The following PIWIL4 variants were observed in gnomAD, a reference collection of about 807,000 sequenced individuals.
The protein encoded by PIWIL4 is piwi-like protein 4.
A neutral mutation model predicts 100.9 loss-of-function variants in PIWIL4; 50 were observed. That is an observed-to-expected ratio of 0.50 (90% CI 0.39 to 0.63). PIWIL4 has a LOEUF of 0.63. Ranked by LOEUF, PIWIL4 falls within the 20% of genes least tolerant of loss-of-function variation. The pLI is 0.00. For synonymous variants in PIWIL4, 342 were observed against 367.5 expected (o/e 0.93, Z 0.79); for missense variants, 887 against 1,043.3 (o/e 0.85, Z 2.06).
chr11:94,616,598 G>GGACT, intron 16 of PIWIL4, 35 bp downstream of exon 16: 1 of 1,529,370 alleles, frequency 6.5e-7, no homozygotes, highest in South Asian at 1.2e-5. Flanking sequence ...TGGGCTCCAA[G>GGACT]GACTGTTCCT....
intron 14 of PIWIL4, 98 bp from the exon 15 acceptor site, chr11:94,608,481 AATTC>A (rs1478552183): frequency 2.1e-6 from 2 of 945,872 alleles, no homozygotes; most frequent in African/African-American, 3.3e-5. Flanking sequence ...TAACTTTAAG[AATTC>A]AGTAACTGGA....
chr11:94,592,382 T>C (rs553212952), intron 8 of PIWIL4, among the ~76,000 whole-genome samples: 37 of 152,358 alleles, frequency 2.4e-4, no homozygotes, highest in Non-Finnish European at 1.5e-5. Context: ...AATGTATTGA[T>C]GCAGAAAGGC....
intron 13 of PIWIL4, among the ~76,000 whole-genome samples, chr11:94,606,104 T>A (rs1044688744): frequency 2.6e-5 from 4 of 152,190 alleles, no homozygotes; most frequent in African/African-American, 9.7e-5. Context: ...GCTTTCTCAA[T>A]GGACATAGCT....
intron 3 of PIWIL4, 132 bp from the exon 4 acceptor site, chr11:94,577,146 G>A: frequency 1.4e-6 from 1 of 690,478 alleles, no homozygotes; most frequent in African/African-American, 1.8e-5. Flanking sequence ...GATTTATCCT[G>A]TGTCACTGTG....
chr11:94,603,253 T>C (rs1948668802), intron 12 of PIWIL4, among the ~76,000 whole-genome samples: 1 of 152,110 alleles, frequency 6.6e-6, no homozygotes, highest in Non-Finnish European at 1.5e-5. Flanking sequence ...AGTCATGGGG[T>C]TGATGGTCCT....
At position 94,575,024 on chromosome 11, in the gene PIWIL4, T is replaced by C. The variant is rs1390395545; in HGVS notation, c.192T>C (p.Asp64=). The part of the protein sequence containing the change: ...TNDKYGISSG[D]AGSTFMERGV... ...ATAAATATGGGATATCTTCTGGTGA[T>C]GCTGGAAGTACCTTCATGGAAAGAG... The change falls in exon 3 of 20, where the codon GAT becomes GAC. Residue 64 remains aspartate (D), a synonymous_variant. Coordinates refer to ENST00000299001, the MANE Select transcript of PIWIL4 (RefSeq NM_152431.3). 3 of 1,612,942 alleles carry C rather than the reference T, an allele frequency of 1.9e-6. No individual in the cohort carries two copies. The highest frequency in any genetic ancestry group is 2.7e-5 in the African/African-American group (2 of 74,922).
intron 3 of PIWIL4, among the ~76,000 whole-genome samples, chr11:94,575,357 G>T (rs147643634): frequency 2.0e-5 from 3 of 152,224 alleles, no homozygotes; most frequent in African/African-American, 7.2e-5. Flanking sequence ...TTTTGGAAAA[G>T]ATTTTCTTCA....
At chr11:94,593,392 A>C (rs1948512999) in intron 8 of PIWIL4, 126 bp from the exon 9 acceptor site, 5 of 852,508 alleles carry the variant, frequency 5.9e-6, no homozygotes, top group Non-Finnish European at 8.4e-6. Flanking sequence ...AGCAATAAGT[A>C]GGTAACTATG....
At position 94,621,128 on chromosome 11, in the gene PIWIL4, A is replaced by G. The variant is rs1948900435; in HGVS notation, c.*136A>G. 1.0e-5 allele frequency: 6 copies of G among 594,150 alleles called. No homozygotes were observed. Among genetic ancestry groups the G allele is most frequent in the Non-Finnish European group, 1.5e-5 (5 of 339,540 alleles). The allele number at this position is 594,150 out of a possible 1,614,324, so 36.8% of individuals were successfully genotyped here. A position where few individuals can be genotyped will look rare whatever the true frequency, so the allele number is the denominator to read the frequency against. On this transcript the variant is annotated 3_prime_UTR_variant, in exon 20 of 20. Coordinates refer to ENST00000299001, the MANE Select transcript of PIWIL4 (RefSeq NM_152431.3). The stretch of plus-strand genomic sequence containing the variant: ...GTTTTCATGTCTAGGAAAAAAAGCA[A>G]AACAACTTAATCTGAAACAGTTTTA...
At chr11:94,573,347 G>A (rs990732510) in intron 2 of PIWIL4, among the ~76,000 whole-genome samples, 6 of 152,160 alleles carry the variant, frequency 3.9e-5, no homozygotes, top group Non-Finnish European at 5.9e-5. Flanking sequence ...TGGTGAGAGA[G>A]GGCATCCCTG....
chr11:94,588,232 C>T (rs2155100), intron 7 of PIWIL4, among the ~76,000 whole-genome samples: 76,490 of 151,962 alleles, frequency 0.5, 21,153 homozygotes, highest in African/African-American at 0.75. Context: ...TGTTCCTGCC[C>T]TGGTTTGCTG....
At position 94,577,277 on chromosome 11, in the gene PIWIL4, G is replaced by A. The variant is rs1207380865; in HGVS notation, c.299-1G>A. ...AATTGTTTTTTGTTTGTCTTCTTCA[G>A]GTTCCAGTGGAATACCTGTGAAACT... is the stretch of plus-strand genomic sequence containing the variant. On this transcript the variant is annotated splice_acceptor_variant, in intron 3 of 19. Coordinates refer to ENST00000299001, the MANE Select transcript of PIWIL4 (RefSeq NM_152431.3). LOFTEE classifies it high-confidence loss of function. 16 of 1,608,934 alleles carry A rather than the reference G, an allele frequency of 9.9e-6. No homozygotes were observed. The highest frequency in any genetic ancestry group is 1.3e-5 in the African/African-American group (1 of 74,780).
intron 2 of PIWIL4, among the ~76,000 whole-genome samples, chr11:94,569,374 T>G (rs66959810): frequency 0.42 from 63,075 of 151,652 alleles, 13,259 homozygotes; most frequent in Middle Eastern, 0.48. Flanking sequence ...TGTTTTTTTT[T>G]TTTGTTTGTT....
At chr11:94,601,028 C>G (rs1421048443) in intron 11 of PIWIL4, among the ~76,000 whole-genome samples, 1 of 150,768 alleles carries the variant, frequency 6.6e-6, no homozygotes. Context: ...ACAATTTGTG[C>G]AGTTAATGCA....
At chr11:94,578,784 G>T (rs1948277074) in intron 4 of PIWIL4, among the ~76,000 whole-genome samples, 1 of 152,096 alleles carries the variant, frequency 6.6e-6, no homozygotes, top group East Asian at 1.9e-4. Flanking sequence ...CAAAATTTTT[G>T]AAATCCATGC....
chr11:94,586,583 C>A (rs1159721972), intron 6 of PIWIL4, among the ~76,000 whole-genome samples: 4 of 152,062 alleles, frequency 2.6e-5, no homozygotes, highest in African/African-American at 7.2e-5. Context: ...TGTTTTCCTG[C>A]GGGGACAGAT....
intron 12 of PIWIL4, among the ~76,000 whole-genome samples, chr11:94,602,842 T>G (rs897095877): frequency 1.1e-4 from 17 of 152,210 alleles, no homozygotes; most frequent in Non-Finnish European, 4.4e-5. Flanking sequence ...TGTTAATAAA[T>G]AGCCTGGATT....
Position 94,589,159 on chromosome 11 carries a change from G to A in PIWIL4, c.953G>A (p.Trp318Ter), listed in dbSNP as rs779792276. The A allele has an allele frequency of 1.2e-6, 2 of 1,612,692 alleles. No individual in the cohort carries two copies. The highest frequency in any genetic ancestry group is 4.5e-5 in the East Asian group (2 of 44,876). Residue 318 changes from tryptophan (W) to a stop codon, truncating the protein, a stop_gained, in exon 8 of 20, where the codon TGG becomes TAG. Coordinates refer to ENST00000299001, the MANE Select transcript of PIWIL4 (RefSeq NM_152431.3). LOFTEE classifies it high-confidence loss of function. ...ACCTACTCCATTGATGACATTGACT[G>A]GTCAGTGAAGCCCACACACACCTTT... ...NRTYSIDDID[W>*]SVKPTHTFQK...
chr11:94,584,319 TG>T (rs1242284732), intron 5 of PIWIL4, among the ~76,000 whole-genome samples: 1 of 152,198 alleles, frequency 6.6e-6, no homozygotes, highest in Non-Finnish European at 1.5e-5. Context: ...CTGGAAGGCA[TG>T]AAGATGGGGA....
Sources: gnomAD v4.1 joint callset for allele counts (sites outside exome capture counted in the v4.1 genomes callset) on GRCh38, gnomAD v4.1.1 for gene constraint, MANE v1.5 for transcripts, NCBI Gene and HGNC (gene_info 2026-07-23, HGNC 2026-07-21) for gene names.